RAB38: variants seen among roughly 807,000 people sequenced by gnomAD.
RAB38 encodes the protein ras-related protein Rab-38.
Under a neutral mutation model 18.4 loss-of-function variants are expected in RAB38, and 15 were observed. That is an observed-to-expected ratio of 0.82 (90% CI 0.55 to 1.26). The LOEUF (loss-of-function observed/expected upper bound fraction) is 1.26, where lower values mean the gene tolerates loss of function less well. RAB38 is among the 50% of genes most tolerant of loss of function. The pLI, the probability that RAB38 is intolerant of heterozygous loss-of-function variation, is 0.00. For missense variants in RAB38, 294 were observed against 267.4 expected, an observed-to-expected ratio of 1.10 and a Z score of -0.69; for synonymous variants, 101 against 104.4, an observed-to-expected ratio of 0.97 and a Z score of 0.20.
chr11:87,817,181 T>C, the RAB38 span: 1 of 152,162 alleles, frequency 6.6e-6, no homozygotes. Flanking sequence ...CTATAAGGTA[T>C]ACAAATCGGT....
At chr11:87,912,263 T>C in the RAB38 span, among the ~76,000 whole-genome samples, 2 of 151,984 alleles carry the variant, frequency 1.3e-5, no homozygotes, top group African/African-American at 4.8e-5. Flanking sequence ...CTGAAATAGT[T>C]TGTTTAGAAG....
the RAB38 span, among the ~76,000 whole-genome samples, chr11:87,933,883 C>T: frequency 1.4e-4 from 22 of 152,152 alleles, no homozygotes; most frequent in Admixed American, 3.3e-4. Context: ...TTCTTGAGGA[C>T]GGAGTTTGCT....
At chr11:87,894,073 T>C in the RAB38 span, among the ~76,000 whole-genome samples, 1 of 151,756 alleles carries the variant, frequency 6.6e-6, no homozygotes, top group Non-Finnish European at 1.5e-5. Context: ...CATTTATTTC[T>C]ATCTTATTTG....
the RAB38 span, among the ~76,000 whole-genome samples, chr11:88,078,501 A>ATGTG: frequency 6.7e-6 from 1 of 148,682 alleles, no homozygotes; most frequent in Non-Finnish European, 1.5e-5. Context: ...GTGTGTATAT[A>ATGTG]TGTGTGTGTG....
chr11:87,911,129 G>T, the RAB38 span, among the ~76,000 whole-genome samples: 1 of 152,012 alleles, frequency 6.6e-6, no homozygotes, highest in African/African-American at 2.4e-5. Flanking sequence ...TCCACTGAAG[G>T]TTGTTTATCT....
At chr11:88,028,333 C>A in the RAB38 span, among the ~76,000 whole-genome samples, 2,583 of 152,260 alleles carry the variant, frequency 0.017, 73 homozygotes, top group African/African-American at 0.059. Context: ...TCTCCTCCTC[C>A]AAAGGAATGC....
At chr11:88,078,338 CAA>C in the RAB38 span, among the ~76,000 whole-genome samples, 1 of 151,900 alleles carries the variant, frequency 6.6e-6, no homozygotes, top group African/African-American at 2.4e-5. Context: ...GAAAGAAATT[CAA>C]TCTATTGAAG....
chr11:88,160,892 G>A (rs1292955503), intron 1 of RAB38, among the ~76,000 whole-genome samples: 1 of 152,054 alleles, frequency 6.6e-6, no homozygotes, highest in East Asian at 1.9e-4. Context: ...CACTCCCTGA[G>A]TAAGGGGATC....
the RAB38 span, among the ~76,000 whole-genome samples, chr11:88,038,417 T>A: frequency 6.6e-6 from 1 of 152,214 alleles, no homozygotes. Flanking sequence ...TCCATAATGT[T>A]TGCTTATCAT....
intron 2 of RAB38, among the ~76,000 whole-genome samples, chr11:88,147,565 G>T (rs1452028525): frequency 6.9e-6 from 1 of 144,830 alleles, no homozygotes; most frequent in Non-Finnish European, 1.5e-5. Context: ...CCCACATTTT[G>T]GAATTAAAAA....
At chr11:87,937,782 A>G in the RAB38 span, among the ~76,000 whole-genome samples, 6 of 148,210 alleles carry the variant, frequency 4.0e-5, no homozygotes, top group Admixed American at 1.3e-4. Context: ...AATATCTTCT[A>G]TTACTTCACT....
the RAB38 span, among the ~76,000 whole-genome samples, chr11:88,093,885 C>T: frequency 6.2e-3 from 938 of 152,014 alleles, 7 homozygotes; most frequent in Non-Finnish European, 8.0e-3. Flanking sequence ...GCCAGATGTC[C>T]TACCCACTTT....
chr11:87,887,247 C>G, the RAB38 span, among the ~76,000 whole-genome samples: 1 of 151,934 alleles, frequency 6.6e-6, no homozygotes, highest in Non-Finnish European at 1.5e-5. Flanking sequence ...ATGTTTTACT[C>G]CAAAGTCTGC....
At chr11:88,141,744 T>C (rs1441435245) in intron 2 of RAB38, among the ~76,000 whole-genome samples, 1 of 152,170 alleles carries the variant, frequency 6.6e-6, no homozygotes, top group Non-Finnish European at 1.5e-5. Flanking sequence ...AACCTCAGCA[T>C]TGTCAGCACT....
At chr11:88,053,164 AC>A in the RAB38 span, among the ~76,000 whole-genome samples, 19 of 76,700 alleles carry the variant, frequency 2.5e-4, no homozygotes, top group South Asian at 1.4e-3. Context: ...ATATATACAC[AC>A]ATATATATGG....
At chr11:88,069,990 T>A in the RAB38 span, among the ~76,000 whole-genome samples, 3 of 152,316 alleles carry the variant, frequency 2.0e-5, no homozygotes, top group African/African-American at 7.2e-5. Context: ...ATTAGCAGGA[T>A]GTGGGTGGGG....
Position 88,175,419 on chromosome 11 carries a change from G to C in RAB38, c.-35C>G. Reference sequence around the variant, plus strand: ...CGGCCAGACGTGCCGTGCCTGACCAGGGAAGCGCAGCCTGGGCTCTGCGCA... The same window carrying C: ...CGGCCAGACGTGCCGTGCCTGACCACGGAAGCGCAGCCTGGGCTCTGCGCA... On this transcript the variant is annotated 5_prime_UTR_variant, in exon 1 of 3. Transcript: ENST00000243662. 6.2e-7 allele frequency: 1 copy of C among 1,611,084 alleles called. No individual in the cohort carries two copies. Among genetic ancestry groups the C allele is most frequent in the Non-Finnish European group, 8.5e-7 (1 of 1,177,742 alleles).
chr11:87,862,581 T>A, the RAB38 span, among the ~76,000 whole-genome samples: 1 of 151,720 alleles, frequency 6.6e-6, no homozygotes, highest in African/African-American at 2.4e-5. Flanking sequence ...ATCTGGGTGA[T>A]GAAATAATCT....
At chr11:87,830,932 G>A in the RAB38 span, among the ~76,000 whole-genome samples, 1 of 152,086 alleles carries the variant, frequency 6.6e-6, no homozygotes, top group Non-Finnish European at 1.5e-5. Context: ...CCAAGTAGCT[G>A]GGACTATAGG....
Sources: allele counts gnomAD v4.1 joint callset (sites outside exome capture counted in the v4.1 genomes callset), GRCh38; gene constraint gnomAD v4.1.1; transcripts MANE v1.5; gene names NCBI Gene and HGNC (gene_info 2026-07-23, HGNC 2026-07-21).